SLC20A2: variants seen among roughly 807,000 people sequenced by gnomAD.
SLC20A2 encodes sodium-dependent phosphate transporter 2.
In SLC20A2, 30 loss-of-function variants were observed where a neutral mutation model predicts 61.0. That is an observed-to-expected ratio of 0.49 (90% CI 0.37 to 0.67). The LOEUF is 0.67. SLC20A2 is among the 30% of genes least tolerant of loss of function. The probability of loss-of-function intolerance (pLI) is 0.00; values close to 1 mark genes in which losing one functional copy is unlikely to be tolerated. For missense variants in SLC20A2, 626 were observed against 866.4 expected (o/e 0.72, Z 3.48); for synonymous variants, 351 against 353.3 (o/e 0.99, Z 0.07).
chr8:42,470,344 A>G (rs981413258), intron 2 of SLC20A2, among the ~76,000 whole-genome samples: 12 of 151,972 alleles, frequency 7.9e-5, no homozygotes, highest in African/African-American at 2.4e-4. Context: ...CAGCCTCCCA[A>G]GCAGCTAGGA....
chr8:42,475,933 G>C (rs952804253), intron 1 of SLC20A2, among the ~76,000 whole-genome samples: 1 of 152,044 alleles, frequency 6.6e-6, no homozygotes, highest in African/African-American at 2.4e-5. Flanking sequence ...GGGGTGGAGA[G>C]AGGATACATG....
At chr8:42,471,321 C>G in intron 2 of SLC20A2, 1 of 432,692 alleles carries the variant, frequency 2.3e-6, no homozygotes, top group Admixed American at 2.5e-5. Context: ...GATCTGTGTC[C>G]GCTTAGGCCA....
chr8:42,465,721 C>A, intron 3 of SLC20A2, 56 bp downstream of exon 3: 9 of 1,415,544 alleles, frequency 6.4e-6, no homozygotes, highest in Admixed American at 2.3e-5. Context: ...TGTAATAAAA[C>A]TTACTCTAGA....
chr8:42,424,208 C>T lies in SLC20A2; in HGVS notation c.1794+4550G>A, dbSNP rs547343306. Among the ~76,000 whole-genome samples, 17 of 152,016 alleles carry T rather than the reference C, an allele frequency of 1.1e-4. 1 individual carries two copies. Among genetic ancestry groups the T allele is most frequent in the Admixed American group, 1.1e-3 (17 of 15,228 alleles). On this transcript the variant is annotated intron_variant, in intron 10 of 10. Transcript: ENST00000520262. ...TTATCTGCTAGGGCTAAAGACCAAACGTGATTAAGGGTCACAGAAGGGAAG... is the reference window on the plus strand; with the variant it reads ...TTATCTGCTAGGGCTAAAGACCAAATGTGATTAAGGGTCACAGAAGGGAAG...
chr8:42,459,152 C>T (rs1385977684), intron 5 of SLC20A2, among the ~76,000 whole-genome samples: 2 of 142,602 alleles, frequency 1.4e-5, no homozygotes, highest in East Asian at 4.3e-4. Flanking sequence ...AGGAGAATCG[C>T]TTGAACCTGG....
intron 1 of SLC20A2, among the ~76,000 whole-genome samples, chr8:42,525,427 C>T (rs1425519497): frequency 6.6e-6 from 1 of 151,712 alleles, no homozygotes; most frequent in East Asian, 1.9e-4. Flanking sequence ...ACCACAAATA[C>T]AAAAATTAGC....
intron 5 of SLC20A2, among the ~76,000 whole-genome samples, chr8:42,446,910 A>G (rs1390130569): frequency 6.6e-6 from 1 of 152,190 alleles, no homozygotes; most frequent in Non-Finnish European, 1.5e-5. Flanking sequence ...ATACTATAAG[A>G]ATGTCACTTT....
intron 1 of SLC20A2, chr8:42,534,851 TG>T (rs1812606290): frequency 6.6e-6 from 1 of 152,352 alleles, no homozygotes; most frequent in African/African-American, 2.4e-5. Context: ...TGTTCCTATT[TG>T]TTCTCCCACT....
intron 1 of SLC20A2, among the ~76,000 whole-genome samples, chr8:42,531,054 C>G (rs1812286720): frequency 6.6e-6 from 1 of 152,182 alleles, no homozygotes; most frequent in African/African-American, 2.4e-5. Context: ...CCTGTAATAG[C>G]TGCTACACAC....
intron 1 of SLC20A2, among the ~76,000 whole-genome samples, chr8:42,488,310 T>C (rs1244182153): frequency 2.0e-5 from 3 of 149,204 alleles, no homozygotes; most frequent in East Asian, 4.0e-4. Flanking sequence ...CTCAGTCTCC[T>C]GAGTAGCAGG....
upstream of SLC20A2, among the ~76,000 whole-genome samples, chr8:42,504,577 C>T (rs572679395): frequency 1.6e-4 from 24 of 151,956 alleles, no homozygotes; most frequent in Admixed American, 3.3e-4. Flanking sequence ...GGCGTGGTGG[C>T]TCACGCCTGT....
In SLC20A2 at chr8:42,470,054, A is replaced by ATC. The variant is rs1586134070; in HGVS notation, c.289+2047_289+2048insGA. The stretch of plus-strand genomic sequence containing the variant: ...TCCACTTGATGGAATTAAATCTTAG[A>ATC]TATCTATCACAACTAAAAAGGTGAA... On this transcript the variant is annotated intron_variant, in intron 2 of 10. Transcript: ENST00000520262. Among the ~76,000 whole-genome samples the ATC allele has an allele frequency of 2.0e-5, 3 of 152,126 alleles. No individual in the cohort carries two copies. The East Asian group carries it at 5.8e-4, about 29-fold the overall frequency.
At chr8:42,502,290 T>C (rs1309011064), upstream of SLC20A2, 1 of 152,168 alleles carries the variant, frequency 6.6e-6, no homozygotes, top group Non-Finnish European at 1.5e-5. Context: ...TTACCTATAA[T>C]CCTATAGACC....
chr8:42,534,104 G>A (rs777212118), intron 1 of SLC20A2, among the ~76,000 whole-genome samples: 2 of 152,002 alleles, frequency 1.3e-5, no homozygotes, highest in South Asian at 4.2e-4. Flanking sequence ...ATCACCTGAG[G>A]TTGCGAGTTC....
intron 10 of SLC20A2, 64 bp downstream of exon 10, chr8:42,428,694 G>T (rs974591227): frequency 8.7e-5 from 125 of 1,432,066 alleles, no homozygotes; most frequent in Non-Finnish European, 1.1e-4. Flanking sequence ...CCTTGCATGC[G>T]CTCCGGTGGC....
chr8:42,482,566 T>C (rs972939954), intron 1 of SLC20A2, among the ~76,000 whole-genome samples: 4 of 152,154 alleles, frequency 2.6e-5, no homozygotes, highest in African/African-American at 9.7e-5. Context: ...CTAGGCATCA[T>C]GGCGAAACCC....
rs755987724 is a variant in SLC20A2 at position 42,437,513 on chromosome 8, G to A, written c.999C>T (p.Phe333=). ...GACCGTCGCTCCTGGTGTGGCCGTC[G>A]AAGCCGAAGGTGCCGTTGGAGATGG... ...KSPISNGTFG[F]DGHTRSDGHV... is the part of the protein sequence containing the mutation. Residue 333 remains phenylalanine (F), a synonymous_variant, in exon 8 of 11, where the codon TTC becomes TTT. Transcript: ENST00000520262. This position sits in a 1 kb window ranked among gnomAD's most constrained non-coding sequence, Gnocchi z 6.4. 5.6e-6 allele frequency: 9 copies of A among 1,614,062 alleles called. No homozygotes were observed. Among genetic ancestry groups the A allele is most frequent in the Admixed American group, 1.7e-5 (1 of 60,022 alleles).
chr8:42,491,963 TC>T, intron 1 of SLC20A2, among the ~76,000 whole-genome samples: 1 of 152,268 alleles, frequency 6.6e-6, no homozygotes, highest in Non-Finnish European at 1.5e-5. Context: ...TTGGGAATTG[TC>T]CCCCAACAAT....
intron 1 of SLC20A2, among the ~76,000 whole-genome samples, chr8:42,491,625 C>T (rs980547107): frequency 7.2e-5 from 11 of 151,798 alleles, no homozygotes; most frequent in African/African-American, 1.7e-4. Flanking sequence ...GAGCCGAGAT[C>T]GCACCACTGC....
Sources: gnomAD v4.1 joint callset for allele counts (sites outside exome capture counted in the v4.1 genomes callset) on GRCh38, gnomAD v4.1.1 for gene constraint, Gnocchi (gnomAD v3.1) non-coding constraint, MANE v1.5 for transcripts, NCBI Gene and HGNC (gene_info 2026-07-23, HGNC 2026-07-21) for gene names.